PPP2R5B: variants seen among roughly 807,000 people sequenced by gnomAD.
PPP2R5B encodes serine/threonine-protein phosphatase 2A 56 kDa regulatory subunit beta isoform.
Under a neutral mutation model 59.9 loss-of-function variants are expected in PPP2R5B, and 19 were observed. The observed-to-expected ratio is 0.32, with a 90% CI of 0.22 to 0.47. The LOEUF (loss-of-function observed/expected upper bound fraction) is 0.47, where lower values mean the gene tolerates loss of function less well. Among genes scored for constraint, PPP2R5B ranks in the 20% least tolerant of loss-of-function variants. The pLI is 1.00. For missense variants in PPP2R5B, 441 were observed against 640.2 expected, an observed-to-expected ratio of 0.69 and a Z score of 3.36; for synonymous variants, 286 against 260.5, an observed-to-expected ratio of 1.10 and a Z score of -0.94.
chr11:64,926,394 G>A (rs1404206298), intron 2 of PPP2R5B, among the ~76,000 whole-genome samples: 1 of 152,254 alleles, frequency 6.6e-6, no homozygotes, highest in Non-Finnish European at 1.5e-5. Context: ...AGAACAGGGT[G>A]CCACCTGAGA....
In PPP2R5B at chr11:64,925,160, G is replaced by C. The variant is rs1945146148; in HGVS notation, c.-265+132G>C. ...GTCTTGGGGTTGTCCCAAGTGGCCG[G>C]GATTAGTGGAGCAGCGATGCGTTCC... On this transcript the variant is annotated intron_variant, in intron 1 of 13. Transcript: ENST00000164133. The surrounding 1 kb of genome is among the most constrained non-coding windows in gnomAD (Gnocchi z 4.6). 2 of 153,114 alleles carry C rather than the reference G, an allele frequency of 1.3e-5. No homozygotes were observed. The highest frequency in any genetic ancestry group is 1.3e-4 in the Admixed American group (2 of 15,334). 9.5% of individuals were successfully genotyped at this position (153,114 alleles called of 1,614,324 possible). A position where few individuals can be genotyped will look rare whatever the true frequency, so the allele number is the denominator to read the frequency against.
upstream of PPP2R5B, among the ~76,000 whole-genome samples, chr11:64,922,340 C>A (rs1945116928): frequency 6.6e-6 from 1 of 151,880 alleles, no homozygotes; most frequent in Non-Finnish European, 1.5e-5. Flanking sequence ...CAAAAATTAG[C>A]CTGGCATGAT....
intron 11 of PPP2R5B, 129 bp from the exon 12 acceptor site, chr11:64,932,636 A>G: frequency 8.7e-7 from 1 of 1,155,044 alleles, no homozygotes. Context: ...TCCAGGGCTC[A>G]GATAAGCCCT....
upstream of PPP2R5B, among the ~76,000 whole-genome samples, chr11:64,921,556 G>T (rs2136672916): frequency 6.6e-6 from 1 of 152,350 alleles, no homozygotes; most frequent in Middle Eastern, 3.4e-3. Flanking sequence ...CACAGAGGTG[G>T]CCCGGGGGCT....
chr11:64,933,571 A>G, intron 13 of PPP2R5B, 126 bp from the exon 14 acceptor site: 2 of 1,254,180 alleles, frequency 1.6e-6, no homozygotes, highest in Admixed American at 2.9e-5. Flanking sequence ...TTATGGAGTC[A>G]CAGAACAAAA....
At chr11:64,933,120 C>G in intron 12 of PPP2R5B, 25 bp from the exon 13 acceptor site, 1 of 1,579,848 alleles carries the variant, frequency 6.3e-7, no homozygotes, top group South Asian at 1.1e-5. Flanking sequence ...GTTTCATCTC[C>G]TCATCCCTCC....
At chr11:64,927,924 CAG>C in intron 4 of PPP2R5B, 21 bp downstream of exon 4, 1 of 1,581,770 alleles carries the variant, frequency 6.3e-7, no homozygotes, top group African/African-American at 1.3e-5. Context: ...TTGGGGAAGA[CAG>C]AGATCCAAGT....
Position 64,926,911 on chromosome 11 carries a change from G to A in PPP2R5B, c.396+3G>A. The A allele has an allele frequency of 4.3e-6, 7 of 1,613,030 alleles. No individual in the cohort carries two copies. The highest frequency in any genetic ancestry group is 5.1e-6 in the Non-Finnish European group (6 of 1,179,348). ...TCTACCCAGACATCATCCGCATGGT[G>A]AGCACCTGCCACCCAGGCTCCGAGG... On this transcript the variant is annotated splice_donor_region_variant and intron_variant, in intron 3 of 13. Coordinates refer to ENST00000164133, the MANE Select transcript of PPP2R5B (RefSeq NM_006244.4).
intron 11 of PPP2R5B, 46 bp from the exon 12 acceptor site, chr11:64,932,719 G>A: frequency 1.9e-6 from 3 of 1,601,490 alleles, no homozygotes; most frequent in Non-Finnish European, 2.6e-6. Context: ...TGCACACAGA[G>A]AGAAGCCACT....
At position 64,933,165 on chromosome 11, in the gene PPP2R5B, A is replaced by T. The variant is rs751918657; in HGVS notation, c.1265A>T (p.Tyr422Phe). Residue 422 changes from tyrosine to phenylalanine, a missense_variant, in exon 13 of 14, where the codon TAC becomes TTC. By Grantham distance (22) the Tyr-to-Phe change is conservative (BLOSUM62 3). Around this residue, in one of 3 missense-constraint regions of PPP2R5B, gnomAD observed 268 missense variants for 488.1 expected, o/e 0.55. Transcript: ENST00000164133. ...CCAAGAACCATCGTATCACTGATCT[A>T]CAATGTGCTCAAGACCTTCATGGAG... ...HWNQTIVSLI[Y>F]NVLKTFMEMN... The T allele has an allele frequency of 6.2e-6, 10 of 1,612,500 alleles. No homozygotes were observed. Among genetic ancestry groups the T allele is most frequent in the Non-Finnish European group, 7.6e-6 (9 of 1,178,796 alleles).
At chr11:64,933,356 T>C in intron 13 of PPP2R5B, 110 bp downstream of exon 13, 1 of 928,270 alleles carries the variant, frequency 1.1e-6, no homozygotes, top group South Asian at 1.5e-5. Context: ...GATCAGATGC[T>C]GCAAGACTGT....
At chr11:64,933,060 A>C in intron 12 of PPP2R5B, 85 bp from the exon 13 acceptor site, 1 of 1,494,386 alleles carries the variant, frequency 6.7e-7, no homozygotes, top group Non-Finnish European at 9.3e-7. Flanking sequence ...GTTCAGGTGG[A>C]ATGCTGTATG....
At position 64,931,971 on chromosome 11, in the gene PPP2R5B, G is replaced by A. The variant is rs2136689477; in HGVS notation, c.1116+103G>A. ...TGCCCTCAGTTTCTCCTCCAATCCC[G>A]GGTCTGGTAATGGGGAGATGCTGGA... On this transcript the variant is annotated intron_variant, in intron 11 of 13. Coordinates refer to ENST00000164133, the MANE Select transcript of PPP2R5B (RefSeq NM_006244.4). The surrounding 1 kb of genome is among the most constrained non-coding windows in gnomAD (Gnocchi z 5.0). 11 of 1,516,604 alleles carry A rather than the reference G, an allele frequency of 7.3e-6. No individual in the cohort carries two copies. The highest frequency in any genetic ancestry group is 5.1e-5 in the South Asian group (4 of 77,938). 93.9% of individuals were successfully genotyped at this position (1,516,604 alleles called of 1,614,324 possible).
At chr11:64,928,239 C>A (rs1377802012) in intron 5 of PPP2R5B, 56 bp from the exon 6 acceptor site, 2 of 1,612,416 alleles carry the variant, frequency 1.2e-6, no homozygotes, top group Admixed American at 3.3e-5. Context: ...ATGGAAGCAA[C>A]CTGGGGTGGA....
At position 64,933,687 on chromosome 11, in the gene PPP2R5B, C is replaced by T. The variant is rs555131177; in HGVS notation, c.1347-10C>T. 5 of 1,548,424 alleles carry T rather than the reference C, an allele frequency of 3.2e-6. No homozygotes were observed. In the African/African-American group the frequency reaches 4.1e-5, roughly 13 times the overall value. On this transcript the variant is annotated splice_polypyrimidine_tract_variant and intron_variant, in intron 13 of 13. Transcript: ENST00000164133. The stretch of plus-strand genomic sequence containing the variant: ...CCAGGAAAGGGAGCTGCCTCACCCT[C>T]TCTCCCCAGGGAGCAGCAGAAGGCC...
At chr11:64,930,190 G>T in intron 6 of PPP2R5B, 132 bp from the exon 7 acceptor site, 1 of 990,358 alleles carries the variant, frequency 1.0e-6, no homozygotes, top group Non-Finnish European at 1.6e-6. Context: ...TGTTGGGAAG[G>T]GAGCGCAGCC....
chr11:64,932,913 T>C (rs1477786660), intron 12 of PPP2R5B, 21 bp downstream of exon 12: 2 of 1,612,898 alleles, frequency 1.2e-6, no homozygotes, highest in South Asian at 2.2e-5. Context: ...GGCCATGACC[T>C]AACTCACAGA....
intron 6 of PPP2R5B, 47 bp downstream of exon 6, chr11:64,928,472 G>C (rs1945192796): frequency 6.2e-7 from 1 of 1,612,908 alleles, no homozygotes; most frequent in Non-Finnish European, 8.5e-7. Context: ...AGGGTGAGAG[G>C]GCTGTTAGAA....
At position 64,928,439 on chromosome 11, in the gene PPP2R5B, G is replaced by A. The variant is rs1375383838; in HGVS notation, c.722+14G>A. 6 of 1,613,978 alleles carry A rather than the reference G, an allele frequency of 3.7e-6. No homozygotes were observed. The highest frequency in any genetic ancestry group is 5.1e-6 in the Non-Finnish European group (6 of 1,179,904). ...CATCTTCCTCCGGTGAGTGGCTGCT[G>A]CCTGCCCAGCAGAGACCTGGGGAGG... On this transcript the variant is annotated intron_variant, in intron 6 of 13. Transcript: ENST00000164133.
Sources: gnomAD v4.1 joint callset for allele counts (sites outside exome capture counted in the v4.1 genomes callset) on GRCh38, gnomAD v4.1.1 for gene constraint, gnomAD v4.1.1 regional missense constraint, Gnocchi (gnomAD v3.1) non-coding constraint, MANE v1.5 for transcripts, NCBI Gene and HGNC (gene_info 2026-07-23, HGNC 2026-07-21) for gene names.